The following NRXN1 variants were observed in gnomAD, a reference collection of about 807,000 sequenced individuals.
NRXN1 encodes the protein neurexin-1.
A neutral mutation model predicts 150.9 loss-of-function variants in NRXN1; 39 were observed. That is an observed-to-expected ratio of 0.26 (90% CI 0.20 to 0.34). The LOEUF is 0.34. Among genes scored for constraint, NRXN1 ranks in the 10% least tolerant of loss-of-function variants. The probability of loss-of-function intolerance (pLI) is 1.00; values close to 1 mark genes in which losing one functional copy is unlikely to be tolerated. For missense variants in NRXN1, 1,815 were observed against 1,949.9 expected, an observed-to-expected ratio of 0.93 and a Z score of 1.30; for synonymous variants, 924 against 757.0, an observed-to-expected ratio of 1.22 and a Z score of -3.62.
At chr2:50,605,602 G>A (rs919229307) in intron 8 of NRXN1, among the ~76,000 whole-genome samples, 2 of 152,134 alleles carry the variant, frequency 1.3e-5, no homozygotes, top group Non-Finnish European at 2.9e-5. Flanking sequence ...ATGCCTGTTA[G>A]GCTGGCTATT....
At chr2:50,236,712 A>G in intron 18 of NRXN1, 77 bp downstream of exon 18, 1 of 1,411,202 alleles carries the variant, frequency 7.1e-7, no homozygotes, top group African/African-American at 1.4e-5. Context: ...GAAGCATCCA[A>G]GAAGCAAAAT....
At chr2:50,336,927 T>C (rs147895601) in intron 17 of NRXN1, among the ~76,000 whole-genome samples, 60 of 152,182 alleles carry the variant, frequency 3.9e-4, no homozygotes, top group African/African-American at 1.4e-3. Context: ...TGTTGGAAAT[T>C]AGACAAAGTA....
At position 50,762,948 on chromosome 2, in the gene NRXN1, T is replaced by C. The variant is rs1348775140; in HGVS notation, c.833-139333A>G. 2.0e-5 allele frequency among the ~76,000 whole-genome samples: 3 copies of C among 152,010 alleles called. No individual in the cohort carries two copies. The South Asian group carries it at 6.2e-4, about 31-fold the overall frequency. On this transcript the variant is annotated intron_variant, in intron 5 of 22. Coordinates refer to ENST00000401669, the MANE Select transcript of NRXN1 (RefSeq NM_001330078.2). ...CAAGCTTCTTGCTTTAGAGCATCTA[T>C]ACAGTTGTTGCTCCTGGCTGATTCC...
chr2:50,655,310 C>T (rs1207150958), intron 5 of NRXN1, among the ~76,000 whole-genome samples: 1 of 151,908 alleles, frequency 6.6e-6, no homozygotes, highest in East Asian at 1.9e-4. Context: ...GGAAGAACTT[C>T]ATTTAAAACA....
At chr2:50,364,626 C>T (rs1044986749) in intron 17 of NRXN1, among the ~76,000 whole-genome samples, 1 of 152,100 alleles carries the variant, frequency 6.6e-6, no homozygotes, top group African/African-American at 2.4e-5. Context: ...CAGTCATGCA[C>T]TTTTACTATT....
intron 8 of NRXN1, among the ~76,000 whole-genome samples, chr2:50,567,949 T>C (rs557794462): frequency 2.0e-5 from 3 of 152,242 alleles, no homozygotes; most frequent in Non-Finnish European, 4.4e-5. Flanking sequence ...TTCATTAAAA[T>C]ACAATGTCTG....
intron 5 of NRXN1, among the ~76,000 whole-genome samples, chr2:50,866,635 G>C (rs1361708947): frequency 2.6e-5 from 4 of 151,904 alleles, no homozygotes; most frequent in Non-Finnish European, 5.9e-5. Flanking sequence ...CTCTTTAAGG[G>C]CAAGTACAAT....
At chr2:50,879,197 T>C (rs1042216078) in intron 5 of NRXN1, among the ~76,000 whole-genome samples, 2 of 151,896 alleles carry the variant, frequency 1.3e-5, no homozygotes, top group South Asian at 2.1e-4. Flanking sequence ...GACTGCAATA[T>C]AGAAATTCTG....
At chr2:50,394,025 C>G (rs1384167015) in intron 17 of NRXN1, among the ~76,000 whole-genome samples, 2 of 152,038 alleles carry the variant, frequency 1.3e-5, no homozygotes, top group African/African-American at 4.8e-5. Flanking sequence ...TTTATTTTTT[C>G]AGCTTTCAGG....
chr2:50,258,334 T>C (rs1408694890), intron 17 of NRXN1, among the ~76,000 whole-genome samples: 2 of 152,112 alleles, frequency 1.3e-5, no homozygotes, highest in African/African-American at 4.8e-5. Flanking sequence ...ATTGTTGTCA[T>C]TTCAACAATG....
intron 21 of NRXN1, among the ~76,000 whole-genome samples, chr2:49,986,053 G>C (rs1041372331): frequency 2.0e-5 from 3 of 152,142 alleles, no homozygotes; most frequent in African/African-American, 4.8e-5. Flanking sequence ...AAAAAATCCA[G>C]TATCACAAAT....
intron 12 of NRXN1, among the ~76,000 whole-genome samples, chr2:50,508,839 A>G: frequency 6.6e-6 from 1 of 152,196 alleles, no homozygotes; most frequent in East Asian, 1.9e-4. Flanking sequence ...CATTATTAAA[A>G]TTGTGAACAG....
chr2:50,799,710 C>T (rs1472650545), intron 5 of NRXN1, among the ~76,000 whole-genome samples: 5 of 152,082 alleles, frequency 3.3e-5, no homozygotes, highest in Non-Finnish European at 5.9e-5. Context: ...GCCTAATGTG[C>T]GTGCTCTGAT....
At position 50,125,796 on chromosome 2, in the gene NRXN1, C is replaced by T. The variant is rs547687736; in HGVS notation, c.3547-34302G>A. Among the ~76,000 whole-genome samples, 6 of 152,062 alleles carry T rather than the reference C, an allele frequency of 3.9e-5. No individual in the cohort carries two copies. In the East Asian group the frequency reaches 1.2e-3, roughly 29 times the overall value. On this transcript the variant is annotated intron_variant, in intron 18 of 22. Coordinates refer to ENST00000401669, the MANE Select transcript of NRXN1 (RefSeq NM_001330078.2). ...AGAGTTTAACATGCATACACATATG[C>T]CCACACTCATATGTGGGTAATATGA...
chr2:50,787,281 A>T (rs967714201), intron 5 of NRXN1, among the ~76,000 whole-genome samples: 1 of 151,974 alleles, frequency 6.6e-6, no homozygotes, highest in Non-Finnish European at 1.5e-5. Flanking sequence ...GAAAACAGGC[A>T]GGGCGCTGTG....
At chr2:50,885,001 T>A (rs761711671) in intron 5 of NRXN1, among the ~76,000 whole-genome samples, 93 of 151,734 alleles carry the variant, frequency 6.1e-4, no homozygotes, top group South Asian at 2.3e-3. Flanking sequence ...TAATGCAGAA[T>A]ATCTTACAAA....
At chr2:50,307,553 G>T (rs902487057) in intron 17 of NRXN1, among the ~76,000 whole-genome samples, 5 of 152,102 alleles carry the variant, frequency 3.3e-5, no homozygotes, top group Admixed American at 2.0e-4. Context: ...TGCTTATTCT[G>T]ATATTCATAA....
intron 2 of NRXN1, among the ~76,000 whole-genome samples, chr2:50,976,543 C>T (rs1695873023): frequency 6.6e-6 from 1 of 151,870 alleles, no homozygotes; most frequent in African/African-American, 2.4e-5. Context: ...AGATAATTTC[C>T]ATGCTATTTA....
At chr2:50,942,621 T>C (rs532274278) in intron 2 of NRXN1, among the ~76,000 whole-genome samples, 10 of 152,302 alleles carry the variant, frequency 6.6e-5, no homozygotes, top group Admixed American at 5.9e-4. Flanking sequence ...TGTTTGGTTT[T>C]AGATTTTCAT....
Sources: allele counts gnomAD v4.1 joint callset (sites outside exome capture counted in the v4.1 genomes callset), GRCh38; gene constraint gnomAD v4.1.1; transcripts MANE v1.5; gene names NCBI Gene and HGNC (gene_info 2026-07-23, HGNC 2026-07-21).